EVA1A: variants seen among roughly 807,000 people sequenced by gnomAD.
EVA1A encodes eva-1 homolog A, regulator of programmed cell death.
EVA1A carries 7 observed loss-of-function variants against 9.8 expected under a neutral mutation model. The ratio of observed to expected loss-of-function variants is 0.71; its 90% CI spans 0.41 to 1.34. The LOEUF (loss-of-function observed/expected upper bound fraction) is 1.34. Among genes scored for constraint, EVA1A ranks in the 40% most tolerant of loss-of-function variants. EVA1A has a pLI of 0.01. For synonymous variants in EVA1A, 90 were observed against 85.6 expected, an observed-to-expected ratio of 1.05 and a Z score of -0.28; for missense variants, 206 against 205.9, an observed-to-expected ratio of 1.00 and a Z score of 0.00.
chr2:75,533,292 C>T (rs938770797), intron 1 of EVA1A, among the ~76,000 whole-genome samples: 1 of 151,776 alleles, frequency 6.6e-6, no homozygotes, highest in African/African-American at 2.4e-5. Context: ...TCATTGGAAA[C>T]CATGGAAGTC....
chr2:75,537,819 G>T (rs554425248), intron 1 of EVA1A, among the ~76,000 whole-genome samples: 15 of 152,296 alleles, frequency 9.8e-5, no homozygotes, highest in Middle Eastern at 3.4e-3. Context: ...CAACATGCCT[G>T]CTGTCCCTTA....
intron 1 of EVA1A, among the ~76,000 whole-genome samples, chr2:75,525,813 G>A (rs867137917): frequency 6.6e-6 from 1 of 152,218 alleles, no homozygotes; most frequent in Non-Finnish European, 1.5e-5. Flanking sequence ...CGTGGTGGTG[G>A]CCACAGACCA....
At chr2:75,512,996 C>A (rs937303171) in intron 3 of EVA1A, among the ~76,000 whole-genome samples, 21 of 152,252 alleles carry the variant, frequency 1.4e-4, no homozygotes, top group African/African-American at 5.1e-4. Context: ...CAGTCCTGGC[C>A]AATGAAATCT....
rs112187481 is a variant in EVA1A at position 75,508,431 on chromosome 2, C to T, written c.85+9625G>A. ...AAACGGCCTGTAGGGGTGAAATAGA[C>T]CCCAGTCTCCTATAGCACTCCCAGG... On this transcript the variant is annotated intron_variant, in intron 3 of 3. Coordinates refer to ENST00000393913, the MANE Select transcript of EVA1A (RefSeq NM_001135032.2). Among the ~76,000 whole-genome samples, 628 of 152,176 alleles carry T rather than the reference C, an allele frequency of 4.1e-3. 3 individuals are homozygous for T. Among genetic ancestry groups the T allele is most frequent in the African/African-American group, 0.015 (607 of 41,500 alleles).
chr2:75,515,123 G>A (rs1247213318), intron 3 of EVA1A, among the ~76,000 whole-genome samples: 9 of 152,052 alleles, frequency 5.9e-5, no homozygotes, highest in Admixed American at 4.6e-4. Flanking sequence ...GTTGATTCTT[G>A]TTTTTTGTCC....
intron 1 of EVA1A, among the ~76,000 whole-genome samples, chr2:75,556,492 TA>T (rs1173266463): frequency 6.6e-6 from 1 of 152,228 alleles, no homozygotes; most frequent in Non-Finnish European, 1.5e-5. Flanking sequence ...AGCCTCAGTA[TA>T]AATACAAGTG....
intron 1 of EVA1A, among the ~76,000 whole-genome samples, chr2:75,536,986 C>T (rs1675930689): frequency 6.6e-6 from 1 of 151,982 alleles, no homozygotes; most frequent in Admixed American, 6.6e-5. Flanking sequence ...GATACCAACC[C>T]CAGACAAAGA....
At chr2:75,525,214 CTCTA>C (rs1675385119) in intron 1 of EVA1A, among the ~76,000 whole-genome samples, 1 of 152,082 alleles carries the variant, frequency 6.6e-6, no homozygotes, top group African/African-American at 2.4e-5. Flanking sequence ...ATCTCAATCT[CTCTA>C]TCTTTTGATC....
At chr2:75,497,346 A>G (rs1163789070) in intron 3 of EVA1A, among the ~76,000 whole-genome samples, 1 of 152,122 alleles carries the variant, frequency 6.6e-6, no homozygotes, top group Non-Finnish European at 1.5e-5. Flanking sequence ...GCAAAAAATA[A>G]CTCTATTACA....
At chr2:75,563,329 T>C (rs1310895923), upstream of EVA1A, among the ~76,000 whole-genome samples, 1 of 152,122 alleles carries the variant, frequency 6.6e-6, no homozygotes, top group Admixed American at 6.6e-5. Context: ...AGAACATGCA[T>C]CCCTGCATGA....
At chr2:75,541,925 G>A (rs1438455242) in intron 1 of EVA1A, 6 of 152,192 alleles carry the variant, frequency 3.9e-5, no homozygotes, top group Non-Finnish European at 8.8e-5. Context: ...ATATAGTGGT[G>A]TGATATGATT....
intron 1 of EVA1A, among the ~76,000 whole-genome samples, chr2:75,541,153 T>A (rs910206865): frequency 6.6e-6 from 1 of 152,204 alleles, no homozygotes; most frequent in Non-Finnish European, 1.5e-5. Flanking sequence ...GGGCCTTGCA[T>A]ACAATAGAGC....
Position 75,493,111 on chromosome 2 carries a change from A to T in EVA1A, c.*125T>A. 1 of 1,361,102 alleles carries T rather than the reference A, an allele frequency of 7.3e-7. No individual in the cohort carries two copies. Among genetic ancestry groups the T allele is most frequent in the South Asian group, 1.4e-5 (1 of 70,502 alleles). 84.3% of individuals were successfully genotyped at this position (1,361,102 alleles called of 1,614,324 possible). A position where few individuals can be genotyped will look rare whatever the true frequency, so the allele number is the denominator to read the frequency against. On this transcript the variant is annotated 3_prime_UTR_variant, in exon 4 of 4. Transcript: ENST00000393913. Reference sequence around the variant, plus strand: ...CAATCCTCCTGGCTAGAAAAGGGGCATGTCCTGCTTTTTCTCTGAAATCAC... The same window carrying T: ...CAATCCTCCTGGCTAGAAAAGGGGCTTGTCCTGCTTTTTCTCTGAAATCAC...
chr2:75,566,850 T>TA (rs952900208), intron 1 of EVA1A, among the ~76,000 whole-genome samples: 5 of 152,180 alleles, frequency 3.3e-5, no homozygotes, highest in Non-Finnish European at 7.4e-5. Flanking sequence ...CTTCTTTATT[T>TA]TTTTTTCTAT....
At chr2:75,495,035 C>A (rs1425128190) in intron 3 of EVA1A, among the ~76,000 whole-genome samples, 1 of 152,056 alleles carries the variant, frequency 6.6e-6, no homozygotes, top group African/African-American at 2.4e-5. Flanking sequence ...AAGGAACAGG[C>A]CTGGCCTTGA....
In EVA1A at chr2:75,492,727, C is replaced by G. The variant is rs1238385157; in HGVS notation, c.*509G>C. 6.5e-6 allele frequency: 1 copy of G among 153,072 alleles called. No homozygotes were observed. The highest frequency in any genetic ancestry group is 1.5e-5 in the Non-Finnish European group (1 of 68,470). 9.5% of individuals were successfully genotyped at this position (153,072 alleles called of 1,614,324 possible). On this transcript the variant is annotated 3_prime_UTR_variant, in exon 4 of 4. Transcript: ENST00000393913. ...GCCAGTTAAAATGGACGAGGTTGCC[C>G]TTGCAACACAAGATTTTAAAAATCA...
intron 1 of EVA1A, among the ~76,000 whole-genome samples, chr2:75,559,470 C>T (rs1386640605): frequency 1.3e-5 from 2 of 152,124 alleles, no homozygotes; most frequent in Non-Finnish European, 2.9e-5. Flanking sequence ...CGCTTGACTG[C>T]CTTTATGGAA....
chr2:75,524,893 G>A (rs1257651756), intron 1 of EVA1A, among the ~76,000 whole-genome samples: 1 of 151,922 alleles, frequency 6.6e-6, no homozygotes, highest in Non-Finnish European at 1.5e-5. Context: ...TATATAAATA[G>A]GTAGGCAGAT....
chr2:75,507,519 G>A (rs1674658610), intron 3 of EVA1A, among the ~76,000 whole-genome samples: 1 of 152,066 alleles, frequency 6.6e-6, no homozygotes, highest in African/African-American at 2.4e-5. Flanking sequence ...GGGGCCTCTG[G>A]AAGCCATTTA....
Sources: allele counts gnomAD v4.1 joint callset (sites outside exome capture counted in the v4.1 genomes callset), GRCh38; gene constraint gnomAD v4.1.1; transcripts MANE v1.5; gene names NCBI Gene and HGNC (gene_info 2026-07-23, HGNC 2026-07-21).